PLD5: variants seen among roughly 807,000 people sequenced by gnomAD.
The protein encoded by PLD5 is inactive phospholipase D5.
Under a neutral mutation model 61.1 loss-of-function variants are expected in PLD5, and 36 were observed. That is an observed-to-expected ratio of 0.59 (90% CI 0.45 to 0.78). PLD5 has a LOEUF of 0.78. PLD5 is among the 30% of genes least tolerant of loss of function. The probability of loss-of-function intolerance (pLI) is 0.00; values close to 1 mark genes in which losing one functional copy is unlikely to be tolerated. For synonymous variants in PLD5, 243 were observed against 242.8 expected (o/e 1.00, Z -0.01); for missense variants, 515 against 644.4 (o/e 0.80, Z 2.17).
chr1:242,183,394 A>G (rs1229011563), intron 5 of PLD5, among the ~76,000 whole-genome samples: 1 of 152,194 alleles, frequency 6.6e-6, no homozygotes, highest in Non-Finnish European at 1.5e-5. Flanking sequence ...ACCATAATGT[A>G]TAATGCTTTA....
intron 5 of PLD5, among the ~76,000 whole-genome samples, chr1:242,151,101 C>A (rs899977659): frequency 6.6e-6 from 1 of 151,810 alleles, no homozygotes; most frequent in Non-Finnish European, 1.5e-5. Context: ...CAATTCCTCC[C>A]TCCCATCCTT....
chr1:242,375,680 A>G (rs186149210), intron 1 of PLD5, among the ~76,000 whole-genome samples: 180 of 152,344 alleles, frequency 1.2e-3, no homozygotes, highest in African/African-American at 4.1e-3. Flanking sequence ...ACACAAAACA[A>G]AACCAAAAAA....
chr1:242,128,997 G>A (rs1176681209), intron 5 of PLD5, among the ~76,000 whole-genome samples: 1 of 152,230 alleles, frequency 6.6e-6, no homozygotes, highest in Non-Finnish European at 1.5e-5. Context: ...CATTCTGAGT[G>A]ATGTTTGTCC....
intron 2 of PLD5, among the ~76,000 whole-genome samples, chr1:242,313,621 C>T (rs1205323832): frequency 6.6e-6 from 1 of 152,172 alleles, no homozygotes; most frequent in Admixed American, 6.5e-5. Flanking sequence ...AAGCTATCTC[C>T]TACTTCTCAA....
At position 242,271,316 on chromosome 1, in the gene PLD5, CA is replaced by C. The variant is rs1250485014; in HGVS notation, c.496-5869del. Among the ~76,000 whole-genome samples, 6 of 143,760 alleles carry C rather than the reference CA, an allele frequency of 4.2e-5. No individual in the cohort carries two copies. The East Asian group carries it at 1.0e-3, about 24-fold the overall frequency. 94.3% of individuals were successfully genotyped at this position (143,760 alleles called of 152,430 possible). ...ATACAGCATGTGGCTCATAGGCATA[CA>C]AAAAAGATTAGGTTTGCAAATAATA... is the stretch of plus-strand genomic sequence containing the variant. On this transcript the variant is annotated intron_variant, in intron 3 of 9. Transcript: ENST00000536534.
At chr1:242,521,036 C>A (rs1413716213) in intron 1 of PLD5, among the ~76,000 whole-genome samples, 1 of 152,230 alleles carries the variant, frequency 6.6e-6, no homozygotes, top group Admixed American at 6.5e-5. Context: ...TTATTTGTAA[C>A]TAATAATACA....
At chr1:242,167,111 A>AT (rs1001560969) in intron 5 of PLD5, among the ~76,000 whole-genome samples, 24 of 145,038 alleles carry the variant, frequency 1.7e-4, no homozygotes, top group African/African-American at 6.1e-4. Context: ...AATAATAATA[A>AT]TAATAAATAG....
chr1:242,177,141 C>T (rs968486080), intron 5 of PLD5, among the ~76,000 whole-genome samples: 18 of 152,054 alleles, frequency 1.2e-4, no homozygotes, highest in African/African-American at 4.3e-4. Flanking sequence ...TTTATTGCAG[C>T]ACTGTTCACA....
In PLD5 at chr1:242,451,547, C is replaced by T. The variant is rs151187275; in HGVS notation, c.189+72541G>A. Among the ~76,000 whole-genome samples the T allele has an allele frequency of 4.0e-5, 6 of 150,598 alleles. No homozygotes were observed. In the East Asian group the frequency reaches 9.8e-4, roughly 25 times the overall value. On this transcript the variant is annotated intron_variant, in intron 1 of 9. Coordinates refer to ENST00000536534, the MANE Select transcript of PLD5 (RefSeq NM_001372062.1). ...CGATCATGGCTCAGTGCAACTTCCG[C>T]CACCCAGGGTCGAGTGATTCTCCTG...
At chr1:242,207,778 A>T (rs1317188269) in intron 5 of PLD5, among the ~76,000 whole-genome samples, 8 of 99,840 alleles carry the variant, frequency 8.0e-5, no homozygotes, top group African/African-American at 4.3e-4. Context: ...ATATATTTAT[A>T]TATATTTATA....
intron 3 of PLD5, among the ~76,000 whole-genome samples, chr1:242,274,067 T>C (rs1442160176): frequency 6.6e-6 from 1 of 152,194 alleles, no homozygotes; most frequent in Non-Finnish European, 1.5e-5. Flanking sequence ...TTTGTTACAG[T>C]AGCCACAGGA....
rs927528543 is a variant in PLD5, at chr1:242,088,789, C to T, written c.*1065G>A. ...CTGCTTCTTAGTAAAATATGTTAAG[C>T]ACAGTATTTAAATTGCATTTCTCTG... On this transcript the variant is annotated 3_prime_UTR_variant, in exon 10 of 10. Transcript: ENST00000536534. 1 of 152,210 alleles carries T rather than the reference C, an allele frequency of 6.6e-6. No individual in the cohort carries two copies. The highest frequency in any genetic ancestry group is 2.4e-5 in the African/African-American group (1 of 41,426). 9.4% of individuals were successfully genotyped at this position (152,210 alleles called of 1,614,324 possible).
At chr1:242,494,543 G>T (rs112758422) in intron 1 of PLD5, among the ~76,000 whole-genome samples, 4 of 152,020 alleles carry the variant, frequency 2.6e-5, no homozygotes, top group African/African-American at 9.7e-5. Flanking sequence ...ACATCTCCCC[G>T]CCTCTAGCCA....
At chr1:242,255,351 A>T (rs1237304778) in intron 4 of PLD5, among the ~76,000 whole-genome samples, 1 of 152,260 alleles carries the variant, frequency 6.6e-6, no homozygotes, top group Non-Finnish European at 1.5e-5. Flanking sequence ...TTTTGGAATA[A>T]TTATAAAGCA....
At chr1:242,497,754 C>CTTCATTCAAGAATCA (rs2102986309) in intron 1 of PLD5, among the ~76,000 whole-genome samples, 1 of 152,300 alleles carries the variant, frequency 6.6e-6, no homozygotes, top group African/African-American at 2.4e-5. Flanking sequence ...TCTATCGGGT[C>CTTCATTCAAGAATCA]TTTATGTGTC....
At chr1:242,122,156 T>C (rs1342475406) in intron 6 of PLD5, among the ~76,000 whole-genome samples, 1 of 152,228 alleles carries the variant, frequency 6.6e-6, no homozygotes, top group Non-Finnish European at 1.5e-5. Context: ...CAGCTCTTTT[T>C]GTGGTGAACT....
intron 2 of PLD5, among the ~76,000 whole-genome samples, chr1:242,337,878 G>T (rs1439788921): frequency 6.6e-6 from 1 of 152,112 alleles, no homozygotes; most frequent in African/African-American, 2.4e-5. Flanking sequence ...GCTGCATCCA[G>T]GGTGAGTAAT....
At chr1:242,336,457 C>G (rs1282914647) in intron 2 of PLD5, among the ~76,000 whole-genome samples, 1 of 152,148 alleles carries the variant, frequency 6.6e-6, no homozygotes, top group Admixed American at 6.5e-5. Context: ...ATATCATATT[C>G]ATACAATGAG....
chr1:242,465,581 C>T (rs1023079507), intron 1 of PLD5, among the ~76,000 whole-genome samples: 1 of 152,208 alleles, frequency 6.6e-6, no homozygotes, highest in African/African-American at 2.4e-5. Flanking sequence ...TACTTTTATT[C>T]TCACACTTGT....
Sources: gnomAD v4.1 joint callset for allele counts (sites outside exome capture counted in the v4.1 genomes callset) on GRCh38, gnomAD v4.1.1 for gene constraint, MANE v1.5 for transcripts, NCBI Gene and HGNC (gene_info 2026-07-23, HGNC 2026-07-21) for gene names.